Variants in SPOCK2 observed in about 807,000 individuals in gnomAD.
SPOCK2 encodes SPARC (osteonectin), cwcv and kazal like domains proteoglycan 2.
In SPOCK2, 39 loss-of-function variants were observed where a neutral mutation model predicts 60.1. The observed-to-expected ratio is 0.65, with a 90% CI of 0.50 to 0.85. The LOEUF is 0.85. SPOCK2 is among the 40% of genes least tolerant of loss of function. SPOCK2 has a pLI of 0.00. For synonymous variants in SPOCK2, 217 were observed against 231.5 expected, an observed-to-expected ratio of 0.94 and a Z score of 0.57; for missense variants, 523 against 567.4, an observed-to-expected ratio of 0.92 and a Z score of 0.80.
intron 9 of SPOCK2, among the ~76,000 whole-genome samples, chr10:72,063,942 A>T (rs1840531265): frequency 6.6e-6 from 1 of 152,222 alleles, no homozygotes. Flanking sequence ...TAGCTCCAGC[A>T]TGGATGGGCA....
intron 1 of SPOCK2, among the ~76,000 whole-genome samples, chr10:72,084,611 A>AC (rs1840831030): frequency 6.6e-6 from 1 of 152,076 alleles, no homozygotes; most frequent in Non-Finnish European, 1.5e-5. Context: ...TTCAGGGTAG[A>AC]CCCCTCCTTC....
In SPOCK2 at chr10:72,088,459, G is replaced by A; in HGVS notation, c.-131C>T. 1 of 1,102,172 alleles carries A rather than the reference G, an allele frequency of 9.1e-7. No homozygotes were observed. Among genetic ancestry groups the A allele is most frequent in the Non-Finnish European group, 1.3e-6 (1 of 798,876 alleles). 68.3% of individuals were successfully genotyped at this position (1,102,172 alleles called of 1,614,324 possible). On this transcript the variant is annotated 5_prime_UTR_variant, in exon 1 of 11. Transcript: ENST00000373109. ...TCCCGCGGTCTGCCTCCGGTGACTG[G>A]CGGAGAGTGGGTCGCGGCTGAAATG...
chr10:72,080,662 C>T (rs940222865), intron 1 of SPOCK2, among the ~76,000 whole-genome samples: 1 of 152,150 alleles, frequency 6.6e-6, no homozygotes, highest in Admixed American at 6.5e-5. Flanking sequence ...ACTTGAGCCT[C>T]TCTTGGAGGG....
At chr10:72,086,900 T>C (rs1384731478) in intron 1 of SPOCK2, 1 of 1,551,476 alleles carries the variant, frequency 6.4e-7, no homozygotes, top group Non-Finnish European at 8.7e-7. Context: ...TAAACAAATT[T>C]CCAAGGAACT....
chr10:72,069,762 A>T (rs1840619865), intron 5 of SPOCK2, among the ~76,000 whole-genome samples: 1 of 152,236 alleles, frequency 6.6e-6, no homozygotes, highest in East Asian at 1.9e-4. Flanking sequence ...CCAGCCTAAA[A>T]TTTTTTAAAT....
chr10:72,067,224 T>G, intron 7 of SPOCK2, 104 bp from the exon 8 acceptor site: 2 of 1,190,296 alleles, frequency 1.7e-6, no homozygotes, highest in Non-Finnish European at 2.3e-6. Context: ...CTATTCTGGG[T>G]CTGGGCAGCT....
chr10:72,066,026 A>G (rs1840562941), intron 8 of SPOCK2, among the ~76,000 whole-genome samples: 1 of 152,118 alleles, frequency 6.6e-6, no homozygotes, highest in Non-Finnish European at 1.5e-5. Context: ...GCATCCAGTG[A>G]GGAACACCAG....
chr10:72,068,442 T>C (rs1208479285), intron 5 of SPOCK2, 141 bp from the exon 6 acceptor site: 9 of 860,956 alleles, frequency 1.0e-5, no homozygotes, highest in Non-Finnish European at 1.2e-5. Context: ...AGGGTCCTCT[T>C]GGTTCCTCTG....
At chr10:72,083,551 G>A (rs759312872) in intron 1 of SPOCK2, among the ~76,000 whole-genome samples, 17 of 152,220 alleles carry the variant, frequency 1.1e-4, no homozygotes, top group Non-Finnish European at 2.5e-4. Flanking sequence ...AGAAGGGGAC[G>A]GGAGGGTGCT....
chr10:72,086,963 CGTTGTACTGG>C (rs2131825862), intron 1 of SPOCK2: 1 of 1,551,604 alleles, frequency 6.4e-7, no homozygotes, highest in South Asian at 1.2e-5. Context: ...GTGTGGCCTG[CGTTGTACTGG>C]GTGGGTCGGA....
rs967178424 is a variant in SPOCK2, at chr10:72,060,675, G to C, written c.*2085C>G. On this transcript the variant is annotated 3_prime_UTR_variant, in exon 11 of 11. Transcript: ENST00000373109. ...TTCCCTGAACTGAGCCGGGGCTGGA[G>C]TGGGGAGGTGAAGGACAGAGAGAGG... The C allele has an allele frequency of 3.3e-5, 5 of 152,956 alleles. No individual in the cohort carries two copies. Among genetic ancestry groups the C allele is most frequent in the African/African-American group, 1.2e-4 (5 of 41,440 alleles). 9.5% of individuals were successfully genotyped at this position (152,956 alleles called of 1,614,324 possible). A position where few individuals can be genotyped will look rare whatever the true frequency, so the allele number is the denominator to read the frequency against.
intron 1 of SPOCK2, among the ~76,000 whole-genome samples, chr10:72,076,040 C>A (rs767627957): frequency 1.4e-4 from 22 of 152,150 alleles, no homozygotes; most frequent in Non-Finnish European, 2.1e-4. Context: ...GGAGAAGAGA[C>A]CCCCGGACTG....
chr10:72,081,470 C>T (rs1840783459), intron 1 of SPOCK2, among the ~76,000 whole-genome samples: 1 of 152,152 alleles, frequency 6.6e-6, no homozygotes. Flanking sequence ...GGCTGGACGC[C>T]CCACCCTACA....
chr10:72,088,046 G>T, intron 1 of SPOCK2, 94 bp downstream of exon 1: 3 of 1,482,774 alleles, frequency 2.0e-6, no homozygotes. Flanking sequence ...GGAGCCTCGG[G>T]CTGCGACGTG....
intron 1 of SPOCK2, among the ~76,000 whole-genome samples, chr10:72,074,020 G>A (rs952118945): frequency 6.6e-6 from 1 of 152,214 alleles, no homozygotes; most frequent in Non-Finnish European, 1.5e-5. Flanking sequence ...GGAGCTGGGG[G>A]GAGAGGGGCA....
In SPOCK2 at chr10:72,078,201, A is replaced by ACATAAT. The variant is rs574484294; in HGVS notation, c.190-5297_190-5292dup. Among the ~76,000 whole-genome samples the ACATAAT allele has an allele frequency of 3.0e-3, 452 of 152,302 alleles. 2 individuals carry two copies. The highest frequency in any genetic ancestry group is 9.7e-3 in the African/African-American group (401 of 41,544). ...TATTACTTTGTAATAAAGAGAAAAA[A>ACATAAT]CATAATCATAATCATAATAAATATA... On this transcript the variant is annotated intron_variant, in intron 1 of 10. Coordinates refer to ENST00000373109, the MANE Select transcript of SPOCK2 (RefSeq NM_001244950.2).
upstream of SPOCK2, chr10:72,088,632 A>T (rs113243562): frequency 3.3e-6 from 1 of 299,428 alleles, no homozygotes; most frequent in African/African-American, 2.2e-5. Context: ...AAAAAAAAAA[A>T]AAAAAAAGGA....
chr10:72,084,473 G>A (rs549233538), intron 1 of SPOCK2, among the ~76,000 whole-genome samples: 6 of 152,258 alleles, frequency 3.9e-5, no homozygotes, highest in African/African-American at 1.4e-4. Context: ...CTAGGCCTGG[G>A]TGGGGAGTAG....
Position 72,072,823 on chromosome 10 carries a change from G to A in SPOCK2, c.198+79C>T, listed in dbSNP as rs144923550. ...GCTGGCAGGGAAGGCAAGTCAGAAT[G>A]AGGGTGTGGAGGGACACAGGAGGGG... On this transcript the variant is annotated intron_variant, in intron 2 of 10. Coordinates refer to ENST00000373109, the MANE Select transcript of SPOCK2 (RefSeq NM_001244950.2). 135 of 1,546,156 alleles carry A rather than the reference G, an allele frequency of 8.7e-5. 1 individual carries two copies. In the African/African-American group the frequency reaches 1.6e-3, roughly 18 times the overall value.
Sources: allele counts gnomAD v4.1 joint callset (sites outside exome capture counted in the v4.1 genomes callset), GRCh38; gene constraint gnomAD v4.1.1; transcripts MANE v1.5; gene names NCBI Gene and HGNC (gene_info 2026-07-23, HGNC 2026-07-21).